CSMD3: variants seen among roughly 807,000 people sequenced by gnomAD.
CSMD3 encodes CUB and sushi domain-containing protein 3.
CSMD3 carries 177 observed loss-of-function variants against 435.2 expected under a neutral mutation model. That is an observed-to-expected ratio of 0.41 (90% CI 0.36 to 0.46). The LOEUF (loss-of-function observed/expected upper bound fraction) is 0.46. Ranked by LOEUF, CSMD3 falls within the 20% of genes least tolerant of loss-of-function variation. The pLI, the probability that CSMD3 is intolerant of heterozygous loss-of-function variation, is 0.34. For missense variants in CSMD3, 4,265 were observed against 4,504.6 expected (o/e 0.95, Z 1.52); for synonymous variants, 1,656 against 1,520.5 (o/e 1.09, Z -2.07).
intron 6 of CSMD3, among the ~76,000 whole-genome samples, chr8:112,977,457 AT>A (rs1208003673): frequency 6.6e-6 from 1 of 152,092 alleles, no homozygotes; most frequent in African/African-American, 2.4e-5. Context: ...TGGTTTGAGA[AT>A]ACTCTGCCTT....
intron 32 of CSMD3, among the ~76,000 whole-genome samples, chr8:112,431,569 G>C (rs1813714102): frequency 6.6e-6 from 1 of 152,082 alleles, no homozygotes; most frequent in Non-Finnish European, 1.5e-5. Context: ...AATTTCTTTA[G>C]AGAGGTCGAG....
At chr8:112,405,565 C>G (rs983029755) in intron 35 of CSMD3, among the ~76,000 whole-genome samples, 6 of 151,540 alleles carry the variant, frequency 4.0e-5, no homozygotes, top group Non-Finnish European at 8.8e-5. Flanking sequence ...AGTATACATT[C>G]TATTTACCAA....
chr8:112,359,401 A>G (rs1235191135), intron 38 of CSMD3, among the ~76,000 whole-genome samples: 1 of 152,168 alleles, frequency 6.6e-6, no homozygotes, highest in Non-Finnish European at 1.5e-5. Flanking sequence ...TTCAATATTT[A>G]TCTCCCATCT....
intron 9 of CSMD3, among the ~76,000 whole-genome samples, chr8:112,944,699 C>T (rs989382740): frequency 2.0e-5 from 3 of 151,466 alleles, no homozygotes; most frequent in Non-Finnish European, 3.0e-5. Context: ...TTCTGTCCTC[C>T]GTGCTCAATT....
At chr8:112,621,126 T>C (rs1220658097) in intron 22 of CSMD3, among the ~76,000 whole-genome samples, 2 of 152,012 alleles carry the variant, frequency 1.3e-5, no homozygotes, top group Non-Finnish European at 2.9e-5. Context: ...CTCCAGGTAC[T>C]CGGGAGACTG....
chr8:113,300,915 T>C (rs575288682), intron 2 of CSMD3, among the ~76,000 whole-genome samples: 2 of 152,178 alleles, frequency 1.3e-5, no homozygotes, highest in South Asian at 4.1e-4. Context: ...GAAAATGAAC[T>C]ACAGCAATAT....
chr8:112,653,493 A>C (rs1165167375), intron 18 of CSMD3, among the ~76,000 whole-genome samples: 1 of 152,148 alleles, frequency 6.6e-6, no homozygotes, highest in Non-Finnish European at 1.5e-5. Flanking sequence ...TATAATATTT[A>C]GATATCCAAG....
intron 15 of CSMD3, among the ~76,000 whole-genome samples, chr8:112,684,682 G>A (rs996655297): frequency 7.2e-5 from 11 of 151,748 alleles, no homozygotes; most frequent in African/African-American, 2.4e-4. Flanking sequence ...AAACATTTTT[G>A]CAGATAAATA....
intron 13 of CSMD3, among the ~76,000 whole-genome samples, chr8:112,791,319 GAAAAAAAAAAAAA>G (rs3047119): frequency 9.7e-6 from 1 of 103,194 alleles, no homozygotes; most frequent in Admixed American, 1.0e-4. Context: ...CATATCCTGT[GAAAAAAAAAAAAA>G]AAAAAAAAGG....
intron 5 of CSMD3, among the ~76,000 whole-genome samples, chr8:113,055,687 CTTTAAGT>C (rs1172580981): frequency 1.4e-4 from 22 of 152,208 alleles, no homozygotes; most frequent in African/African-American, 4.1e-4. Context: ...GCATAACATT[CTTTAAGT>C]TTTAAGTTCA....
At chr8:112,858,998 C>T in intron 11 of CSMD3, 147 bp downstream of exon 11, 1 of 639,672 alleles carries the variant, frequency 1.6e-6, no homozygotes, top group Non-Finnish European at 2.7e-6. Flanking sequence ...TCATATAAAT[C>T]TGGTTTATAA....
chr8:113,427,174 T>C (rs2094640561), intron 1 of CSMD3, among the ~76,000 whole-genome samples: 1 of 151,456 alleles, frequency 6.6e-6, no homozygotes, highest in Non-Finnish European at 1.5e-5. Flanking sequence ...AGTAATATAG[T>C]TACATATGAA....
At chr8:113,017,430 G>C (rs2086507387) in intron 6 of CSMD3, among the ~76,000 whole-genome samples, 1 of 101,282 alleles carries the variant, frequency 9.9e-6, no homozygotes, top group African/African-American at 5.3e-5. Flanking sequence ...CTTAATATTT[G>C]AGGTAGGAGA....
At chr8:113,305,675 T>C (rs1331392696) in intron 2 of CSMD3, among the ~76,000 whole-genome samples, 1 of 152,240 alleles carries the variant, frequency 6.6e-6, no homozygotes, top group Non-Finnish European at 1.5e-5. Flanking sequence ...CTGGAATCCT[T>C]GCCTTAGTCA....
chr8:112,536,381 C>G (rs147708685), intron 27 of CSMD3, among the ~76,000 whole-genome samples: 32,171 of 152,194 alleles, frequency 0.21, 4,112 homozygotes, highest in East Asian at 0.47. Context: ...AGATACTTCT[C>G]AAAAGAGGAC....
At chr8:112,341,799 A>G (rs970570399) in intron 41 of CSMD3, 113 bp from the exon 42 acceptor site, 7 of 766,392 alleles carry the variant, frequency 9.1e-6, no homozygotes, top group Non-Finnish European at 1.6e-5. Flanking sequence ...TTAAGTCAAG[A>G]GGCATAATCT....
At chr8:112,583,131 T>C (rs1830455203) in intron 23 of CSMD3, among the ~76,000 whole-genome samples, 1 of 152,036 alleles carries the variant, frequency 6.6e-6, no homozygotes, top group African/African-American at 2.4e-5. Context: ...TGAGAAATGA[T>C]TGGTTCCGGA....
intron 54 of CSMD3, among the ~76,000 whole-genome samples, chr8:112,293,599 T>G (rs1658670603): frequency 6.6e-6 from 1 of 152,126 alleles, no homozygotes; most frequent in African/African-American, 2.4e-5. Flanking sequence ...TCTTCATCAC[T>G]GATATTTGAT....
intron 28 of CSMD3, among the ~76,000 whole-genome samples, chr8:112,516,587 CT>C (rs982954555): frequency 3.0e-4 from 45 of 152,200 alleles, no homozygotes; most frequent in African/African-American, 1.0e-3. Context: ...ACCAATATTC[CT>C]TTGGATTACA....
Sources: allele counts gnomAD v4.1 joint callset (sites outside exome capture counted in the v4.1 genomes callset), GRCh38; gene constraint gnomAD v4.1.1; transcripts MANE v1.5; gene names NCBI Gene and HGNC (gene_info 2026-07-23, HGNC 2026-07-21).